The following ABL2 variants were observed in gnomAD, a reference collection of about 807,000 sequenced individuals.
The protein encoded by ABL2 is ABL proto-oncogene 2, non-receptor tyrosine kinase.
Under a neutral mutation model 107.7 loss-of-function variants are expected in ABL2, and 49 were observed. That is an observed-to-expected ratio of 0.45 (90% CI 0.36 to 0.58). ABL2 has a LOEUF of 0.58. Ranked by LOEUF, ABL2 falls within the 20% of genes least tolerant of loss-of-function variation. The probability of loss-of-function intolerance (pLI) is 0.00; values close to 1 mark genes in which losing one functional copy is unlikely to be tolerated. For synonymous variants in ABL2, 549 were observed against 548.6 expected (o/e 1.00, Z -0.01); for missense variants, 1,245 against 1,457.0 (o/e 0.85, Z 2.37).
At chr1:179,118,058 T>C (rs1372546531) in intron 7 of ABL2, among the ~76,000 whole-genome samples, 1 of 149,650 alleles carries the variant, frequency 6.7e-6, no homozygotes, top group Non-Finnish European at 1.5e-5. Flanking sequence ...GAGGCTGAGG[T>C]GGGAGGATGG....
intron 1 of ABL2, among the ~76,000 whole-genome samples, chr1:179,168,744 C>A (rs899504990): frequency 6.6e-6 from 1 of 152,142 alleles, no homozygotes; most frequent in African/African-American, 2.4e-5. Context: ...GAGTCACATC[C>A]TCTTCCCACA....
At chr1:179,136,755 A>AAAATAC (rs1557944878) in intron 1 of ABL2, among the ~76,000 whole-genome samples, 8 of 150,438 alleles carry the variant, frequency 5.3e-5, no homozygotes, top group South Asian at 2.1e-4. Context: ...AATAAAAATA[A>AAAATAC]AAATACAAAA....
intron 3 of ABL2, among the ~76,000 whole-genome samples, chr1:179,129,811 C>T (rs747327239): frequency 2.6e-5 from 4 of 152,158 alleles, no homozygotes; most frequent in Non-Finnish European, 5.9e-5. Flanking sequence ...CAAAACTATC[C>T]AAAAGCAGGA....
At position 179,105,681 on chromosome 1, in the gene ABL2, T is replaced by A; in HGVS notation, c.*2037A>T. The A allele has an allele frequency of 4.4e-6, 1 of 226,390 alleles. No individual in the cohort carries two copies. The allele number at this position is 226,390 out of a possible 1,614,324, so 14.0% of individuals were successfully genotyped here. A position where few individuals can be genotyped will look rare whatever the true frequency, so the allele number is the denominator to read the frequency against. ...CACCGCGTGTCTCCTCTAATCCTCT[T>A]AACCTGGGCCTCCTTTGGAGCAGCA... is the stretch of plus-strand genomic sequence containing the variant. On this transcript the variant is annotated 3_prime_UTR_variant, in exon 12 of 12. Transcript: ENST00000502732.
rs759979676 is a variant in ABL2 at position 179,099,891 on chromosome 1, A to C, written c.*7827T>G. 1 of 232,626 alleles carries C rather than the reference A, an allele frequency of 4.3e-6. No individual in the cohort carries two copies. Among genetic ancestry groups the C allele is most frequent in the Non-Finnish European group, 8.5e-6 (1 of 117,746 alleles). 14.4% of individuals were successfully genotyped at this position (232,626 alleles called of 1,614,324 possible). A position where few individuals can be genotyped will look rare whatever the true frequency, so the allele number is the denominator to read the frequency against. On this transcript the variant is annotated 3_prime_UTR_variant, in exon 12 of 12. Coordinates refer to ENST00000502732, the MANE Select transcript of ABL2 (RefSeq NM_007314.4). ...GAGGAGATGGAGGTTCTGAGTATAC[A>C]TCAACAGCTAAGTCAGCCTGTTCAC...
rs986498492 is a variant in ABL2 at position 179,101,204 on chromosome 1, G to C, written c.*6514C>G. The stretch of plus-strand genomic sequence containing the variant: ...ATCTTTGAAGGCACAAATCTCCAAG[G>C]GTGGCCTCTCAGCAGTTTCTGCCAT... On this transcript the variant is annotated 3_prime_UTR_variant, in exon 12 of 12. Transcript: ENST00000502732. 4.5e-6 allele frequency: 1 copy of C among 224,592 alleles called. No homozygotes were observed. 13.9% of individuals were successfully genotyped at this position (224,592 alleles called of 1,614,324 possible).
intron 1 of ABL2, among the ~76,000 whole-genome samples, chr1:179,157,518 C>T (rs1658774612): frequency 6.6e-6 from 1 of 151,688 alleles, no homozygotes; most frequent in Admixed American, 6.6e-5. Flanking sequence ...CTTAGGAATA[C>T]TGAACTGGTA....
chr1:179,204,417 G>A (rs954485691), intron 1 of ABL2, among the ~76,000 whole-genome samples: 13 of 152,000 alleles, frequency 8.6e-5, no homozygotes, highest in African/African-American at 7.2e-5. Context: ...AGTTCCCTCC[G>A]CATCTCTACT....
chr1:179,225,992 C>T (rs1362066915), intron 1 of ABL2, among the ~76,000 whole-genome samples: 1 of 137,872 alleles, frequency 7.3e-6, no homozygotes, highest in African/African-American at 2.8e-5. Flanking sequence ...TGCAGTGAGC[C>T]GAGATCGCGC....
chr1:179,220,260 C>G (rs968959581), intron 1 of ABL2, among the ~76,000 whole-genome samples: 10 of 152,148 alleles, frequency 6.6e-5, no homozygotes, highest in Non-Finnish European at 1.5e-4. Flanking sequence ...TTGTAAAGGT[C>G]AAGTGAGATG....
intron 8 of ABL2, among the ~76,000 whole-genome samples, chr1:179,115,841 C>T (rs1188327320): frequency 6.6e-6 from 1 of 152,124 alleles, no homozygotes; most frequent in Non-Finnish European, 1.5e-5. Flanking sequence ...TTGATTTTGT[C>T]TCAGTTATTT....
chr1:179,110,487 A>T, intron 10 of ABL2, 32 bp from the exon 11 acceptor site: 1 of 1,576,582 alleles, frequency 6.3e-7, no homozygotes, highest in Non-Finnish European at 8.6e-7. Context: ...CAATAAAAAG[A>T]ACAATTTCAT....
chr1:179,210,900 C>A (rs1662237607), intron 1 of ABL2, among the ~76,000 whole-genome samples: 1 of 151,396 alleles, frequency 6.6e-6, no homozygotes, highest in African/African-American at 2.4e-5. Flanking sequence ...TCATATACTG[C>A]CAGGAAGAAA....
intron 1 of ABL2, among the ~76,000 whole-genome samples, chr1:179,149,516 T>A (rs1233495312): frequency 6.6e-6 from 1 of 152,118 alleles, no homozygotes; most frequent in African/African-American, 2.4e-5. Flanking sequence ...TGGAATAAGA[T>A]GACATCTAGG....
intron 1 of ABL2, among the ~76,000 whole-genome samples, chr1:179,155,018 T>C (rs906539450): frequency 7.9e-5 from 12 of 152,202 alleles, no homozygotes; most frequent in African/African-American, 2.4e-4. Flanking sequence ...AACTTACAAA[T>C]ACTTGGAAAT....
At chr1:179,219,249 C>T (rs1490987922) in intron 1 of ABL2, among the ~76,000 whole-genome samples, 2 of 152,118 alleles carry the variant, frequency 1.3e-5, no homozygotes, top group African/African-American at 4.8e-5. Context: ...CGCCACGTTG[C>T]CTAGGCTGGT....
chr1:179,177,185 G>C (rs1375593974), intron 1 of ABL2, among the ~76,000 whole-genome samples: 4 of 152,042 alleles, frequency 2.6e-5, no homozygotes, highest in African/African-American at 9.7e-5. Context: ...CTGACAAGAA[G>C]AACAGGGATT....
At chr1:179,125,977 G>T (rs1655688617) in intron 4 of ABL2, among the ~76,000 whole-genome samples, 1 of 152,054 alleles carries the variant, frequency 6.6e-6, no homozygotes, top group South Asian at 2.1e-4. Flanking sequence ...TCGACACCAA[G>T]CTCAAAAGTC....
At chr1:179,193,364 T>C (rs1317528287) in intron 1 of ABL2, among the ~76,000 whole-genome samples, 1 of 145,976 alleles carries the variant, frequency 6.9e-6, no homozygotes, top group Non-Finnish European at 1.5e-5. Context: ...AATGTCTGCT[T>C]TTTTTTTTTT....
Sources: allele counts gnomAD v4.1 joint callset (sites outside exome capture counted in the v4.1 genomes callset), GRCh38; gene constraint gnomAD v4.1.1; transcripts MANE v1.5; gene names NCBI Gene and HGNC (gene_info 2026-07-23, HGNC 2026-07-21).